Variants in VEGFC observed in about 807,000 individuals in gnomAD.
The protein encoded by VEGFC is vascular endothelial growth factor C, also known as FLT4 ligand DHM.
In VEGFC, 12 loss-of-function variants were observed where a neutral mutation model predicts 46.1. The observed-to-expected ratio is 0.26, with a 90% confidence interval of 0.17 to 0.42. VEGFC has a LOEUF of 0.42. VEGFC is among the 10% of genes least tolerant of loss of function. The pLI is 1.00. For missense variants in VEGFC, 488 were observed against 529.4 expected (o/e 0.92, Z 0.77); for synonymous variants, 232 against 195.5 (o/e 1.19, Z -1.56).
intron 1 of VEGFC, among the ~76,000 whole-genome samples, chr4:176,781,482 T>C (rs9990915): frequency 0.11 from 16,666 of 152,184 alleles, 2,269 homozygotes; most frequent in African/African-American, 0.32. Flanking sequence ...GTAAATTAAA[T>C]CACAGTGATT....
chr4:176,688,395 A>C (rs1003848165), intron 4 of VEGFC, among the ~76,000 whole-genome samples: 3 of 152,100 alleles, frequency 2.0e-5, no homozygotes, highest in Admixed American at 6.5e-5. Flanking sequence ...TATCTACATC[A>C]CTTTGATTTT....
At chr4:176,739,127 T>A (rs1160030143) in intron 1 of VEGFC, among the ~76,000 whole-genome samples, 1 of 151,982 alleles carries the variant, frequency 6.6e-6, no homozygotes, top group African/African-American at 2.4e-5. Flanking sequence ...CCAATCAGAA[T>A]GGCTATTATT....
chr4:176,787,312 C>CCTG (rs1429912907), intron 1 of VEGFC, among the ~76,000 whole-genome samples: 1 of 151,858 alleles, frequency 6.6e-6, no homozygotes, highest in Non-Finnish European at 1.5e-5. Flanking sequence ...CAAAAATTAG[C>CCTG]CTGCTCTAGT....
intron 1 of VEGFC, among the ~76,000 whole-genome samples, chr4:176,781,389 A>T (rs1735912078): frequency 6.6e-6 from 1 of 152,220 alleles, no homozygotes; most frequent in South Asian, 2.1e-4. Flanking sequence ...GGACTTTTAA[A>T]AGGATAAAGT....
intron 1 of VEGFC, among the ~76,000 whole-genome samples, chr4:176,736,380 GC>G (rs1335177669): frequency 6.6e-6 from 1 of 151,668 alleles, no homozygotes; most frequent in Admixed American, 6.6e-5. Flanking sequence ...TAAGAGACTA[GC>G]TTTTAGACTT....
chr4:176,725,542 G>T (rs987094761), intron 3 of VEGFC, among the ~76,000 whole-genome samples: 23 of 152,046 alleles, frequency 1.5e-4, no homozygotes, highest in African/African-American at 4.3e-4. Context: ...GAAAGGAAAT[G>T]GAAGGAGGAA....
chr4:176,691,204 A>G (rs548351199), intron 4 of VEGFC, among the ~76,000 whole-genome samples: 9 of 152,302 alleles, frequency 5.9e-5, no homozygotes, highest in African/African-American at 2.2e-4. Flanking sequence ...GAGGTTTAGT[A>G]AAATTTGGTT....
chr4:176,723,657 T>C (rs573746373), intron 3 of VEGFC, among the ~76,000 whole-genome samples: 1 of 150,116 alleles, frequency 6.7e-6, no homozygotes, highest in African/African-American at 2.5e-5. Flanking sequence ...AGGTAAACTT[T>C]TATTTTAGGT....
At chr4:176,768,508 A>ATATATATATATATATATATATT (rs1735669341) in intron 1 of VEGFC, among the ~76,000 whole-genome samples, 1 of 144,888 alleles carries the variant, frequency 6.9e-6, no homozygotes, top group Non-Finnish European at 1.5e-5. Flanking sequence ...ATATATATAT[A>ATATATATATATATATATATATT]TATATTTCAA....
chr4:176,784,499 G>A (rs1478244618), intron 1 of VEGFC, among the ~76,000 whole-genome samples: 1 of 151,864 alleles, frequency 6.6e-6, no homozygotes, highest in African/African-American at 2.4e-5. Context: ...TGTAATCCCA[G>A]CACTTTGGGA....
At chr4:176,694,471 T>C (rs1181293298) in intron 4 of VEGFC, among the ~76,000 whole-genome samples, 1 of 151,254 alleles carries the variant, frequency 6.6e-6, no homozygotes, top group African/African-American at 2.4e-5. Flanking sequence ...AGCACCAAGA[T>C]TCATAAAGCA....
chr4:176,698,625 G>A (rs1350733065), intron 4 of VEGFC, among the ~76,000 whole-genome samples: 4 of 151,982 alleles, frequency 2.6e-5, no homozygotes, highest in African/African-American at 9.7e-5. Flanking sequence ...GAATACTATT[G>A]AGTAGAGTAA....
intron 3 of VEGFC, among the ~76,000 whole-genome samples, chr4:176,716,708 A>G (rs1193631764): frequency 2.6e-5 from 4 of 152,138 alleles, no homozygotes; most frequent in Admixed American, 2.6e-4. Context: ...CAAATAGCTT[A>G]CCGTAAACAC....
At chr4:176,748,567 A>G (rs1362096107) in intron 1 of VEGFC, among the ~76,000 whole-genome samples, 2 of 152,038 alleles carry the variant, frequency 1.3e-5, no homozygotes, top group Non-Finnish European at 2.9e-5. Context: ...AGGGAGGAAG[A>G]TTGCTTAATT....
intron 1 of VEGFC, among the ~76,000 whole-genome samples, chr4:176,741,702 T>C (rs1371599087): frequency 6.6e-6 from 1 of 151,948 alleles, no homozygotes; most frequent in African/African-American, 2.4e-5. Context: ...TACTGTTCAT[T>C]AGAAAAAAGA....
At chr4:176,695,900 A>C (rs1734303467) in intron 4 of VEGFC, among the ~76,000 whole-genome samples, 1 of 151,846 alleles carries the variant, frequency 6.6e-6, no homozygotes, top group South Asian at 2.1e-4. Context: ...TTATCTCAAT[A>C]GATGCAGAAA....
At chr4:176,749,183 G>C (rs987459793) in intron 1 of VEGFC, among the ~76,000 whole-genome samples, 2 of 151,828 alleles carry the variant, frequency 1.3e-5, no homozygotes, top group Non-Finnish European at 2.9e-5. Flanking sequence ...GCCTAACAAT[G>C]AATACAGGAG....
At chr4:176,744,300 C>G (rs577671766) in intron 1 of VEGFC, among the ~76,000 whole-genome samples, 1 of 151,946 alleles carries the variant, frequency 6.6e-6, no homozygotes, top group East Asian at 1.9e-4. Flanking sequence ...TAAGAATATA[C>G]AGAGTGCTCA....
chr4:176,740,714 C>T (rs1000021798), intron 1 of VEGFC, among the ~76,000 whole-genome samples: 4 of 151,232 alleles, frequency 2.6e-5, no homozygotes, highest in Non-Finnish European at 5.9e-5. Flanking sequence ...CAGAAGAAAA[C>T]ACTGCCACAG....
Sources: gnomAD v4.1 joint callset for allele counts (sites outside exome capture counted in the v4.1 genomes callset) on GRCh38, gnomAD v4.1.1 for gene constraint, MANE v1.5 for transcripts, NCBI Gene and HGNC (gene_info 2026-07-23, HGNC 2026-07-21) for gene names.